The following SPMIP2 variants were observed in gnomAD, a reference collection of about 807,000 sequenced individuals.
SPMIP2 encodes sperm microtubule inner protein 2.
the SPMIP2 span, among the ~76,000 whole-genome samples, chr4:158,986,322 G>T: frequency 2.0e-5 from 3 of 152,020 alleles, no homozygotes; most frequent in African/African-American, 7.2e-5. Flanking sequence ...AGCCCGCATT[G>T]CCAAGTCAAT....
At chr4:159,067,021 A>G in the SPMIP2 span, among the ~76,000 whole-genome samples, 1 of 152,204 alleles carries the variant, frequency 6.6e-6, no homozygotes, top group African/African-American at 2.4e-5. Context: ...ACTGATCCCA[A>G]TAAAAATTGG....
chr4:159,037,664 G>A, the SPMIP2 span, among the ~76,000 whole-genome samples: 1 of 151,596 alleles, frequency 6.6e-6, no homozygotes, highest in African/African-American at 2.4e-5. Context: ...CCAGCTACTC[G>A]GGAGGCTTAG....
At chr4:158,999,400 A>C in the SPMIP2 span, among the ~76,000 whole-genome samples, 1 of 152,226 alleles carries the variant, frequency 6.6e-6, no homozygotes, top group Non-Finnish European at 1.5e-5. Context: ...CTATTTCTAG[A>C]TGGCAGTAAG....
At chr4:159,013,760 T>G in the SPMIP2 span, among the ~76,000 whole-genome samples, 1 of 150,586 alleles carries the variant, frequency 6.6e-6, no homozygotes, top group South Asian at 2.1e-4. Flanking sequence ...AATGCAATAT[T>G]ATTTAGTCTT....
the SPMIP2 span, among the ~76,000 whole-genome samples, chr4:159,047,926 C>T: frequency 0.3 from 46,165 of 152,098 alleles, 7,759 homozygotes; most frequent in East Asian, 0.64. Flanking sequence ...GATATGATAG[C>T]ATGTAACAGA....
the SPMIP2 span, among the ~76,000 whole-genome samples, chr4:158,990,203 C>A: frequency 6.6e-6 from 1 of 152,106 alleles, no homozygotes. Flanking sequence ...GTTTGAATGG[C>A]AATCATTAAA....
the SPMIP2 span, among the ~76,000 whole-genome samples, chr4:159,050,354 T>C: frequency 6.7e-6 from 1 of 149,696 alleles, no homozygotes; most frequent in Non-Finnish European, 1.5e-5. Context: ...TTTTAATAAA[T>C]ATGTCTGCAA....
the SPMIP2 span, among the ~76,000 whole-genome samples, chr4:158,910,145 C>T: frequency 6.6e-5 from 10 of 152,144 alleles, no homozygotes; most frequent in East Asian, 1.9e-3. Context: ...CTTCCCAAAC[C>T]GTTGGGATTA....
At chr4:158,956,211 T>C in the SPMIP2 span, among the ~76,000 whole-genome samples, 1 of 152,246 alleles carries the variant, frequency 6.6e-6, no homozygotes, top group African/African-American at 2.4e-5. Flanking sequence ...ATTTCTCAGT[T>C]GTCACTAGCG....
the SPMIP2 span, among the ~76,000 whole-genome samples, chr4:159,012,922 T>G: frequency 6.6e-6 from 1 of 152,212 alleles, no homozygotes; most frequent in East Asian, 1.9e-4. Flanking sequence ...GGATCCTGCT[T>G]AATTAGATTT....
the SPMIP2 span, chr4:158,915,078 T>G: frequency 9.1e-7 from 1 of 1,095,190 alleles, no homozygotes; most frequent in Non-Finnish European, 1.3e-6. Flanking sequence ...CAAAACTGAT[T>G]ATTAGTATTA....
chr4:158,965,735 C>T, the SPMIP2 span, among the ~76,000 whole-genome samples: 1 of 151,468 alleles, frequency 6.6e-6, no homozygotes, highest in Non-Finnish European at 1.5e-5. Flanking sequence ...GGACAAATTG[C>T]CAACCTAATA....
chr4:159,081,213 ATTT>A, the SPMIP2 span, among the ~76,000 whole-genome samples: 1,681 of 151,594 alleles, frequency 0.011, 32 homozygotes, highest in African/African-American at 0.037. Context: ...AATTTTTTGT[ATTT>A]TTAGTAGAGA....
the SPMIP2 span, among the ~76,000 whole-genome samples, chr4:158,936,770 A>C: frequency 6.6e-6 from 1 of 152,216 alleles, no homozygotes; most frequent in Non-Finnish European, 1.5e-5. Flanking sequence ...TTAGGGCTTT[A>C]AAGATGTATT....
the SPMIP2 span, among the ~76,000 whole-genome samples, chr4:158,917,278 C>T: frequency 6.6e-6 from 1 of 151,388 alleles, no homozygotes; most frequent in South Asian, 2.1e-4. Flanking sequence ...ATACAAACAA[C>T]TAGCTGGGTG....
the SPMIP2 span, among the ~76,000 whole-genome samples, chr4:159,044,645 T>C: frequency 6.6e-6 from 1 of 152,032 alleles, no homozygotes; most frequent in Non-Finnish European, 1.5e-5. Flanking sequence ...CACACAGCCC[T>C]TGGAAGGGGA....
the SPMIP2 span, among the ~76,000 whole-genome samples, chr4:158,954,929 A>G: frequency 1.3e-5 from 2 of 152,088 alleles, no homozygotes; most frequent in Non-Finnish European, 2.9e-5. Flanking sequence ...ACTGTAAACC[A>G]TTCCTCTATT....
chr4:158,927,835 T>G, the SPMIP2 span, among the ~76,000 whole-genome samples: 1,074 of 152,300 alleles, frequency 7.1e-3, 13 homozygotes, highest in African/African-American at 0.025. Context: ...AATGAGGGGC[T>G]TAGCACCCGG....
the SPMIP2 span, among the ~76,000 whole-genome samples, chr4:158,931,717 C>A: frequency 6.6e-6 from 1 of 151,548 alleles, no homozygotes; most frequent in Non-Finnish European, 1.5e-5. Context: ...TGCATGCCAG[C>A]ACACCCAGCT....
Sources: gnomAD v4.1 joint callset for allele counts (sites outside exome capture counted in the v4.1 genomes callset) on GRCh38, gnomAD v4.1.1 for gene constraint, MANE v1.5 for transcripts, NCBI Gene and HGNC (gene_info 2026-07-23, HGNC 2026-07-21) for gene names.